Variants in GALNT2 observed in about 807,000 individuals in gnomAD.
GALNT2 encodes polypeptide N-acetylgalactosaminyltransferase 2, also known as UDP-GalNAc:polypeptide N-acetylgalactosaminyltransferase 2.
In GALNT2, 31 loss-of-function variants were observed where a neutral mutation model predicts 81.4. The ratio of observed to expected loss-of-function variants is 0.38; its 90% CI spans 0.29 to 0.51. The LOEUF (loss-of-function observed/expected upper bound fraction) is 0.51. Ranked by LOEUF, GALNT2 falls within the 20% of genes least tolerant of loss-of-function variation. The pLI is 0.87. For synonymous variants in GALNT2, 303 were observed against 287.4 expected, an observed-to-expected ratio of 1.05 and a Z score of -0.55; for missense variants, 629 against 765.7, an observed-to-expected ratio of 0.82 and a Z score of 2.11.
intron 1 of GALNT2, among the ~76,000 whole-genome samples, chr1:230,127,519 G>A (rs1198887509): frequency 6.6e-6 from 1 of 151,978 alleles, no homozygotes; most frequent in African/African-American, 2.4e-5. Context: ...GGGACTACAG[G>A]CATGCGGCAC....
chr1:230,279,553 A>G lies in GALNT2; in HGVS notation c.*95A>G, dbSNP rs1666380799. On this transcript the variant is annotated 3_prime_UTR_variant, in exon 16 of 16. Coordinates refer to ENST00000366672, the MANE Select transcript of GALNT2 (RefSeq NM_004481.5). The surrounding 1 kb of genome is among the most constrained non-coding windows in gnomAD (Gnocchi z 4.6). Reference sequence around the variant, plus strand: ...TTATGTTTCTTAAACTTTCCGCGAAACTAATATACCTCAGTATTCCATCAT... The same window carrying G: ...TTATGTTTCTTAAACTTTCCGCGAAGCTAATATACCTCAGTATTCCATCAT... The G allele has an allele frequency of 7.1e-7, 1 of 1,407,782 alleles. No individual in the cohort carries two copies. The highest frequency in any genetic ancestry group is 2.4e-5 in the East Asian group (1 of 42,358). 87.2% of individuals were successfully genotyped at this position (1,407,782 alleles called of 1,614,324 possible).
At chr1:230,183,684 A>G (rs991464736) in intron 2 of GALNT2, among the ~76,000 whole-genome samples, 1 of 152,238 alleles carries the variant, frequency 6.6e-6, no homozygotes, top group Non-Finnish European at 1.5e-5. Context: ...TCAATTAAGA[A>G]TAAGAAAAAT....
intron 1 of GALNT2, among the ~76,000 whole-genome samples, chr1:230,177,255 C>T (rs1039338575): frequency 4.6e-5 from 7 of 152,238 alleles, no homozygotes; most frequent in Non-Finnish European, 5.9e-5. Flanking sequence ...GCACACAGTC[C>T]GCACTGGTCC....
chr1:230,249,313 C>A, intron 9 of GALNT2, 42 bp downstream of exon 9: 1 of 1,568,860 alleles, frequency 6.4e-7, no homozygotes, highest in Non-Finnish European at 8.7e-7. Flanking sequence ...CCAGATGAGA[C>A]CCCAGGTTCC....
At chr1:230,113,655 A>G (rs891348221) in intron 1 of GALNT2, among the ~76,000 whole-genome samples, 2 of 151,984 alleles carry the variant, frequency 1.3e-5, no homozygotes, top group Non-Finnish European at 2.9e-5. Flanking sequence ...CTTGGGGCTG[A>G]TGTTGCCTGT....
chr1:230,161,380 C>T (rs1174997150), intron 1 of GALNT2, among the ~76,000 whole-genome samples: 1 of 152,228 alleles, frequency 6.6e-6, no homozygotes, highest in Non-Finnish European at 1.5e-5. Context: ...TATTAAGCCC[C>T]TCCTTGCCTC....
intron 3 of GALNT2, 76 bp from the exon 4 acceptor site, chr1:230,235,938 T>G: frequency 7.3e-7 from 1 of 1,373,924 alleles, no homozygotes. Context: ...TCAGTCTGCC[T>G]GTTCTCTGAA....
chr1:230,094,479 T>C (rs1311908038), intron 1 of GALNT2, among the ~76,000 whole-genome samples: 1 of 151,846 alleles, frequency 6.6e-6, no homozygotes, highest in Non-Finnish European at 1.5e-5. Context: ...CTACTAAAAA[T>C]ACAAAAAAAT....
At chr1:230,187,531 A>G (rs746692935) in intron 2 of GALNT2, among the ~76,000 whole-genome samples, 1 of 152,186 alleles carries the variant, frequency 6.6e-6, no homozygotes, top group Admixed American at 6.5e-5. Flanking sequence ...CTGGAGCCCT[A>G]GAGGGCATAT....
chr1:230,122,845 C>T (rs939647440), intron 1 of GALNT2, among the ~76,000 whole-genome samples: 10 of 152,122 alleles, frequency 6.6e-5, no homozygotes, highest in Non-Finnish European at 1.0e-4. Context: ...TACTCCTGGG[C>T]GTTGACATCT....
chr1:230,226,913 TAAGG>T (rs1664732342), intron 3 of GALNT2, among the ~76,000 whole-genome samples: 1 of 151,692 alleles, frequency 6.6e-6, no homozygotes. Flanking sequence ...AGGAAGGAAA[TAAGG>T]AAGGTAAAAG....
intron 4 of GALNT2, 106 bp from the exon 5 acceptor site, chr1:230,236,247 C>G: frequency 9.6e-6 from 13 of 1,360,406 alleles, no homozygotes; most frequent in Non-Finnish European, 1.1e-5. Flanking sequence ...CAGTGTGTAG[C>G]TCCTCCAACC....
intron 3 of GALNT2, among the ~76,000 whole-genome samples, chr1:230,232,643 T>TGCC (rs1417845517): frequency 2.0e-5 from 3 of 152,372 alleles, no homozygotes; most frequent in African/African-American, 7.2e-5. Flanking sequence ...AGAGGATAGC[T>TGCC]GCCTCCTAAC....
chr1:230,081,695 A>G (rs1477371696), intron 1 of GALNT2, among the ~76,000 whole-genome samples: 3 of 152,180 alleles, frequency 2.0e-5, no homozygotes, highest in African/African-American at 7.2e-5. Context: ...TGATGGCTCT[A>G]ATTAAGACAA....
At chr1:230,184,102 AT>A (rs34025973) in intron 2 of GALNT2, among the ~76,000 whole-genome samples, 12,687 of 151,660 alleles carry the variant, frequency 0.084, 805 homozygotes, top group East Asian at 0.27. Flanking sequence ...TGCTTTTAAC[AT>A]TTTTTGCAAG....
rs1475265774 is a variant in GALNT2, at chr1:230,236,713, G to A, written c.595G>A (p.Asp199Asn). The A allele has an allele frequency of 6.2e-7, 1 of 1,613,386 alleles. No individual in the cohort carries two copies. Among genetic ancestry groups the A allele is most frequent in the Non-Finnish European group, 8.5e-7 (1 of 1,179,862 alleles). The change falls in exon 6 of 16, where the codon GAT becomes AAT. Residue 199 changes from aspartate to asparagine, a missense_variant. This residue lies in a region of GALNT2 where 360 missense variants were observed against 492.8 expected (regional missense o/e 0.73). Coordinates refer to ENST00000366672, the MANE Select transcript of GALNT2 (RefSeq NM_004481.5). ...TGAGAAAGTGCGAGTTCTTAGAAAT[G>A]ATCGACGAGAAGGTAAGATTCTTCT... ...KIEKVRVLRN[D>N]RREGLMRSRV...
intron 3 of GALNT2, among the ~76,000 whole-genome samples, chr1:230,212,917 G>A (rs985407812): frequency 3.3e-5 from 5 of 152,184 alleles, no homozygotes; most frequent in African/African-American, 1.2e-4. Flanking sequence ...GGTATAAGTA[G>A]ACTGTATTGA....
chr1:230,198,659 G>A (rs1170491386), intron 2 of GALNT2, among the ~76,000 whole-genome samples: 5 of 152,184 alleles, frequency 3.3e-5, no homozygotes, highest in Non-Finnish European at 5.9e-5. Flanking sequence ...CAGGTAGGTC[G>A]GCATGGGGTC....
At chr1:230,185,393 G>C (rs1326736472) in intron 2 of GALNT2, among the ~76,000 whole-genome samples, 1 of 151,936 alleles carries the variant, frequency 6.6e-6, no homozygotes, top group Non-Finnish European at 1.5e-5. Flanking sequence ...CGGAACCCTG[G>C]TAAACAGGCC....
Sources: gnomAD v4.1 joint callset for allele counts (sites outside exome capture counted in the v4.1 genomes callset) on GRCh38, gnomAD v4.1.1 for gene constraint, gnomAD v4.1.1 regional missense constraint, Gnocchi (gnomAD v3.1) non-coding constraint, MANE v1.5 for transcripts, NCBI Gene and HGNC (gene_info 2026-07-23, HGNC 2026-07-21) for gene names.